TRHDE: variants seen among roughly 807,000 people sequenced by gnomAD.
The protein encoded by TRHDE is thyrotropin releasing hormone degrading enzyme.
Under a neutral mutation model 125.7 loss-of-function variants are expected in TRHDE, and 72 were observed. That is an observed-to-expected ratio of 0.57 (90% CI 0.47 to 0.70). TRHDE has a LOEUF of 0.70. Among genes scored for constraint, TRHDE ranks in the 30% least tolerant of loss-of-function variants. TRHDE has a pLI of 0.00. For synonymous variants in TRHDE, 509 were observed against 509.1 expected (o/e 1.00, Z 0.00); for missense variants, 1,110 against 1,327.1 (o/e 0.84, Z 2.54).
intron 1 of TRHDE, among the ~76,000 whole-genome samples, chr12:72,285,522 C>T (rs373903053): frequency 6.8e-5 from 9 of 131,388 alleles, no homozygotes; most frequent in Non-Finnish European, 9.5e-5. Flanking sequence ...TTTTTTTCTT[C>T]TTTTTTTTTT....
chr12:72,390,595 T>C (rs888304322), intron 3 of TRHDE, among the ~76,000 whole-genome samples: 3 of 152,246 alleles, frequency 2.0e-5, no homozygotes, highest in Non-Finnish European at 4.4e-5. Context: ...CAAAATACTA[T>C]GTAAGAGAGA....
intron 12 of TRHDE, among the ~76,000 whole-genome samples, chr12:72,601,725 CT>C (rs1261977107): frequency 4.6e-5 from 7 of 152,084 alleles, no homozygotes; most frequent in Non-Finnish European, 1.0e-4. Flanking sequence ...TGATTGTCAG[CT>C]TTTTTCTTAG....
At chr12:72,370,453 AAGTGACTT>A (rs530382508) in intron 2 of TRHDE, among the ~76,000 whole-genome samples, 28 of 152,316 alleles carry the variant, frequency 1.8e-4, no homozygotes, top group African/African-American at 6.7e-4. Flanking sequence ...TAAAATCTTT[AAGTGACTT>A]GCTTGTGCCG....
At chr12:72,155,463 G>A (rs1412613510) in intron 2 of TRHDE, among the ~76,000 whole-genome samples, 1 of 152,112 alleles carries the variant, frequency 6.6e-6, no homozygotes, top group Non-Finnish European at 1.5e-5. Flanking sequence ...AGGAGGAGAG[G>A]CGCTCTGATT....
At chr12:72,091,138 A>T (rs116053122) in intron 1 of TRHDE, among the ~76,000 whole-genome samples, 11,363 of 152,076 alleles carry the variant, frequency 0.075, 659 homozygotes, top group African/African-American at 0.14. Flanking sequence ...CCTCCCAAAG[A>T]GCTGAGATTA....
intron 2 of TRHDE, among the ~76,000 whole-genome samples, chr12:72,359,219 C>T (rs144463045): frequency 6.6e-6 from 1 of 150,892 alleles, no homozygotes; most frequent in African/African-American, 2.4e-5. Context: ...AGAAAGCCTT[C>T]GAAAAATCCA....
At chr12:72,386,536 T>C (rs1872424222) in intron 3 of TRHDE, among the ~76,000 whole-genome samples, 1 of 152,108 alleles carries the variant, frequency 6.6e-6, no homozygotes, top group African/African-American at 2.4e-5. Context: ...TTTTTCCCTA[T>C]CAGCATTAAA....
At chr12:72,477,106 A>G (rs576661037) in intron 5 of TRHDE, among the ~76,000 whole-genome samples, 1 of 152,322 alleles carries the variant, frequency 6.6e-6, no homozygotes, top group Non-Finnish European at 1.5e-5. Context: ...TGGGAGAATT[A>G]TACTGACTTA....
chr12:72,224,166 G>C (rs7136268), intron 2 of TRHDE, among the ~76,000 whole-genome samples: 13,824 of 62,472 alleles, frequency 0.22, 887 homozygotes, highest in African/African-American at 0.34. Flanking sequence ...ATGTATGTAT[G>C]TATCTATCTA....
chr12:72,150,484 G>C (rs7298306), intron 2 of TRHDE, among the ~76,000 whole-genome samples: 6,386 of 150,840 alleles, frequency 0.042, 453 homozygotes, highest in African/African-American at 0.15. Flanking sequence ...TGCCATGTTG[G>C]TGTGCTGCAC....
intron 7 of TRHDE, among the ~76,000 whole-genome samples, chr12:72,542,917 T>C (rs1869226580): frequency 6.6e-6 from 1 of 151,322 alleles, no homozygotes; most frequent in Non-Finnish European, 1.5e-5. Flanking sequence ...GTATAGAATC[T>C]AAGAATGAAT....
At chr12:72,105,876 T>C (rs1875175707) in intron 2 of TRHDE, 1 of 152,254 alleles carries the variant, frequency 6.6e-6, no homozygotes, top group African/African-American at 2.4e-5. Flanking sequence ...TATTTATTTC[T>C]ATCTTTATTT....
chr12:72,548,071 T>C (rs1160866058), intron 7 of TRHDE, among the ~76,000 whole-genome samples: 1 of 151,804 alleles, frequency 6.6e-6, no homozygotes, highest in Admixed American at 6.6e-5. Context: ...CAAATGTAAG[T>C]AGAGTCCTTA....
chr12:72,262,597 C>T (rs1339065024), intron 2 of TRHDE: 2 of 152,074 alleles, frequency 1.3e-5, no homozygotes, highest in Non-Finnish European at 2.9e-5. Flanking sequence ...CATGAACATT[C>T]GTCTCTCATC....
At chr12:72,624,078 A>G (rs939338748) in intron 15 of TRHDE, among the ~76,000 whole-genome samples, 1 of 152,020 alleles carries the variant, frequency 6.6e-6, no homozygotes, top group Admixed American at 6.6e-5. Context: ...CCCAGCAAAC[A>G]CAAGTCACCT....
Position 72,588,492 on chromosome 12 carries a change from C to T in TRHDE, c.2321+12950C>T, listed in dbSNP as rs958801541. Among the ~76,000 whole-genome samples the T allele has an allele frequency of 8.5e-5, 13 of 152,202 alleles. No homozygotes were observed. In the South Asian group the frequency reaches 2.5e-3, roughly 29 times the overall value. On this transcript the variant is annotated intron_variant, in intron 12 of 18. Coordinates refer to ENST00000261180, the MANE Select transcript of TRHDE (RefSeq NM_013381.3). Reference sequence around the variant, plus strand: ...TGAATGTGTTTAGGCAGGAAAAGGACATTGATCATGTAATAAACTATTGTG... The same window carrying T: ...TGAATGTGTTTAGGCAGGAAAAGGATATTGATCATGTAATAAACTATTGTG...
chr12:72,477,444 G>C (rs972606159), intron 5 of TRHDE, among the ~76,000 whole-genome samples: 27 of 152,156 alleles, frequency 1.8e-4, no homozygotes, highest in African/African-American at 6.3e-4. Context: ...TCAAAGAGAA[G>C]TGTCAAGATC....
intron 1 of TRHDE, among the ~76,000 whole-genome samples, chr12:72,089,310 A>G (rs1160171007): frequency 6.6e-6 from 1 of 152,166 alleles, no homozygotes. Context: ...GAGATCTTTA[A>G]AGACGTAGGT....
At position 72,182,314 on chromosome 12, in the gene TRHDE, C is replaced by T. The variant is rs534701676; in HGVS notation, n.279+76562C>T. 2.0e-5 allele frequency among the ~76,000 whole-genome samples: 3 copies of T among 152,230 alleles called. No individual in the cohort carries two copies. In the South Asian group the frequency reaches 6.2e-4, roughly 32 times the overall value. On this transcript the variant is annotated intron_variant and non_coding_transcript_variant, in intron 2 of 4. Transcript: ENST00000548156. ...TGAACCAGTTAAATTATCTCACTTT[C>T]CTTTGTTTGAATTAAGAGCTGTAGA... is the stretch of plus-strand genomic sequence containing the variant.
Sources: gnomAD v4.1 joint callset for allele counts (sites outside exome capture counted in the v4.1 genomes callset) on GRCh38, gnomAD v4.1.1 for gene constraint, MANE v1.5 for transcripts, NCBI Gene and HGNC (gene_info 2026-07-23, HGNC 2026-07-21) for gene names.